Variants in CDC5L observed in about 807,000 individuals in gnomAD.
CDC5L encodes the protein cell division cycle 5 like.
Under a neutral mutation model 104.1 loss-of-function variants are expected in CDC5L, and 18 were observed. That is an observed-to-expected ratio of 0.17 (90% CI 0.12 to 0.26). The LOEUF (loss-of-function observed/expected upper bound fraction) is 0.26. Among genes scored for constraint, CDC5L ranks in the 10% least tolerant of loss-of-function variants. The pLI is 1.00. For synonymous variants in CDC5L, 331 were observed against 322.7 expected (o/e 1.03, Z -0.28); for missense variants, 673 against 956.9 (o/e 0.70, Z 3.91).
At chr6:44,399,301 A>T (rs1264122465) in intron 5 of CDC5L, among the ~76,000 whole-genome samples, 1 of 152,150 alleles carries the variant, frequency 6.6e-6, no homozygotes, top group Non-Finnish European at 1.5e-5. Flanking sequence ...AACATTTTTA[A>T]TATGATGTGT....
intron 4 of CDC5L, 38 bp from the exon 5 acceptor site, chr6:44,396,303 A>G (rs372500977): frequency 1.7e-4 from 236 of 1,418,946 alleles, no homozygotes; most frequent in Non-Finnish European, 2.2e-4. Flanking sequence ...TGTAAGAACT[A>G]AGAAAATACT....
chr6:44,437,579 T>G (rs1000729772), intron 14 of CDC5L, among the ~76,000 whole-genome samples: 1 of 152,220 alleles, frequency 6.6e-6, no homozygotes, highest in Non-Finnish European at 1.5e-5. Flanking sequence ...AATAAAATTG[T>G]TGGCATTAAA....
intron 14 of CDC5L, among the ~76,000 whole-genome samples, chr6:44,440,898 G>A (rs1793155639): frequency 6.6e-6 from 1 of 151,866 alleles, no homozygotes; most frequent in African/African-American, 2.4e-5. Context: ...AATAGAGATG[G>A]CGTTTCACCA....
chr6:44,433,040 C>CT (rs1489453078), intron 14 of CDC5L, among the ~76,000 whole-genome samples: 14 of 152,044 alleles, frequency 9.2e-5, no homozygotes, highest in South Asian at 4.1e-4. Context: ...ATAAGAAAAA[C>CT]TTTATTTCTT....
At chr6:44,404,525 C>T (rs774081077) in intron 6 of CDC5L, among the ~76,000 whole-genome samples, 19 of 152,136 alleles carry the variant, frequency 1.2e-4, no homozygotes, top group Non-Finnish European at 1.6e-4. Context: ...GTGGCTATCA[C>T]GTTTTTAGCA....
intron 10 of CDC5L, among the ~76,000 whole-genome samples, chr6:44,423,671 C>T (rs2153381340): frequency 6.6e-6 from 1 of 152,252 alleles, no homozygotes; most frequent in South Asian, 2.1e-4. Context: ...GTTCCTCACA[C>T]CTGGTACATG....
At chr6:44,429,586 C>A in intron 13 of CDC5L, 127 bp from the exon 14 acceptor site, 1 of 752,590 alleles carries the variant, frequency 1.3e-6, no homozygotes, top group Non-Finnish European at 2.2e-6. Context: ...TCCACCCTTC[C>A]AAAAAACAAC....
At chr6:44,412,051 A>G (rs1791666127) in intron 8 of CDC5L, among the ~76,000 whole-genome samples, 1 of 152,188 alleles carries the variant, frequency 6.6e-6, no homozygotes, top group South Asian at 2.1e-4. Flanking sequence ...CCTGTTAATA[A>G]CAGGGGGCAA....
intron 6 of CDC5L, among the ~76,000 whole-genome samples, chr6:44,404,468 G>A (rs1193853293): frequency 2.6e-5 from 4 of 152,076 alleles, no homozygotes. Context: ...GCCTACATAT[G>A]GTTTTATTTA....
At chr6:44,440,199 A>G (rs1455472040) in intron 14 of CDC5L, among the ~76,000 whole-genome samples, 1 of 151,200 alleles carries the variant, frequency 6.6e-6, no homozygotes, top group Non-Finnish European at 1.5e-5. Context: ...CATAACATGC[A>G]GTGTTACTCG....
rs11571973 is a variant in CDC5L at position 44,418,504 on chromosome 6, A to G, written c.1093-945A>G. On this transcript the variant is annotated intron_variant, in intron 8 of 15. Transcript: ENST00000371477. Reference sequence around the variant, plus strand: ...CAGCATGATTTATAATCCTTTGGGTATATAGCCAGTAATGGGATGGCTGGG... The same window carrying G: ...CAGCATGATTTATAATCCTTTGGGTGTATAGCCAGTAATGGGATGGCTGGG... 3.7e-3 allele frequency among the ~76,000 whole-genome samples: 563 copies of G among 152,304 alleles called. 3 individuals are homozygous for G. Among genetic ancestry groups the G allele is most frequent in the African/African-American group, 0.012 (518 of 41,546 alleles).
At chr6:44,446,572 C>T (rs1353062922) in intron 15 of CDC5L, 35 bp from the exon 16 acceptor site, 5 of 1,004,238 alleles carry the variant, frequency 5.0e-6, no homozygotes, top group Non-Finnish European at 7.4e-6. Context: ...AGTATAGTTA[C>T]ATCTAAAATA....
At position 44,430,049 on chromosome 6, in the gene CDC5L, A is replaced by G. The variant is rs1792605403; in HGVS notation, c.2091+139A>G. On this transcript the variant is annotated intron_variant, in intron 14 of 15. Transcript: ENST00000371477. ...TTAGTTGTTGGAGAAAACTACACTTAAGTGTTGGATCTTCTTGGCCTTGTT... is the reference window on the plus strand; with the variant it reads ...TTAGTTGTTGGAGAAAACTACACTTGAGTGTTGGATCTTCTTGGCCTTGTT... 3 of 641,108 alleles carry G rather than the reference A, an allele frequency of 4.7e-6. No homozygotes were observed. In the South Asian group the frequency reaches 6.3e-5, roughly 13 times the overall value. The allele number at this position is 641,108 out of a possible 1,614,324, so 39.7% of individuals were successfully genotyped here.
chr6:44,426,505 C>T lies in CDC5L; in HGVS notation c.1674C>T (p.Pro558=). ...AGGTAAATGAAACTATTCTAAGACC[C>T]TTAAATGTAGAACCGCCTTTAACAG... is the stretch of plus-strand genomic sequence containing the variant. ...PSEVNETILR[P]LNVEPPLTDL... Residue 558 remains proline, a synonymous_variant, in exon 13 of 16, where the codon CCC becomes CCT. Transcript: ENST00000371477. 1 of 1,547,004 alleles carries T rather than the reference C, an allele frequency of 6.5e-7. No individual in the cohort carries two copies. Among genetic ancestry groups the T allele is most frequent in the Non-Finnish European group, 8.9e-7 (1 of 1,120,152 alleles).
At chr6:44,423,714 T>C (rs1792292565) in intron 10 of CDC5L, among the ~76,000 whole-genome samples, 1 of 152,184 alleles carries the variant, frequency 6.6e-6, no homozygotes, top group Non-Finnish European at 1.5e-5. Context: ...AAACTCTGGG[T>C]ACCAGGAGGC....
intron 14 of CDC5L, among the ~76,000 whole-genome samples, chr6:44,436,425 C>T (rs78060594): frequency 2.0e-5 from 3 of 151,850 alleles, no homozygotes; most frequent in African/African-American, 4.8e-5. Context: ...GATTTTACAT[C>T]GTGGATTTTA....
intron 13 of CDC5L, among the ~76,000 whole-genome samples, chr6:44,428,086 A>T (rs1389467429): frequency 6.6e-6 from 1 of 152,224 alleles, no homozygotes; most frequent in Non-Finnish European, 1.5e-5. Flanking sequence ...GGATAGTTTA[A>T]AGATAACTTA....
chr6:44,401,224 A>G (rs1791107579), intron 5 of CDC5L, among the ~76,000 whole-genome samples: 1 of 152,164 alleles, frequency 6.6e-6, no homozygotes. Flanking sequence ...CATGTCTCCA[A>G]GTGACAGCCC....
At chr6:44,392,563 T>A in intron 2 of CDC5L, 104 bp from the exon 3 acceptor site, 1 of 1,006,910 alleles carries the variant, frequency 9.9e-7, no homozygotes, top group Non-Finnish European at 1.5e-6. Context: ...AAAGAACAGT[T>A]TTTGTAATTG....
Sources: allele counts gnomAD v4.1 joint callset (sites outside exome capture counted in the v4.1 genomes callset), GRCh38; gene constraint gnomAD v4.1.1; transcripts MANE v1.5; gene names NCBI Gene and HGNC (gene_info 2026-07-23, HGNC 2026-07-21).